COL28A1: variants seen among roughly 807,000 people sequenced by gnomAD.
COL28A1 encodes the protein collagen alpha-1(XXVIII) chain.
Under a neutral mutation model 150.2 loss-of-function variants are expected in COL28A1, and 161 were observed. That is an observed-to-expected ratio of 1.07 (90% confidence interval 0.94 to 1.22). The LOEUF (loss-of-function observed/expected upper bound fraction) is 1.22, where lower values mean the gene tolerates loss of function less well. Ranked by LOEUF, COL28A1 falls within the 50% of genes most tolerant of loss-of-function variation. The probability of loss-of-function intolerance (pLI) is 0.00; values close to 1 mark genes in which losing one functional copy is unlikely to be tolerated. For synonymous variants in COL28A1, 552 were observed against 469.7 expected, an observed-to-expected ratio of 1.18 and a Z score of -2.26; for missense variants, 1,617 against 1,388.3, an observed-to-expected ratio of 1.16 and a Z score of -2.62.
intron 27 of COL28A1, among the ~76,000 whole-genome samples, chr7:7,388,515 A>T (rs138167078): frequency 0.04 from 6,113 of 152,240 alleles, 406 homozygotes; most frequent in African/African-American, 0.14. Context: ...TCCCTTGGGT[A>T]TATACCCAGT....
intron 27 of COL28A1, among the ~76,000 whole-genome samples, chr7:7,416,345 AG>A (rs1784075662): frequency 6.6e-6 from 1 of 152,222 alleles, no homozygotes; most frequent in East Asian, 1.9e-4. Flanking sequence ...ATAGTCGGTA[AG>A]GATTAATTAA....
chr7:7,417,515 G>A (rs1460900666), intron 27 of COL28A1: 29 of 192,978 alleles, frequency 1.5e-4, no homozygotes, highest in African/African-American at 1.3e-3. Context: ...GGGAGGGAAG[G>A]AGGGAGGGGG....
At chr7:7,399,611 A>G (rs762512713) in intron 27 of COL28A1, among the ~76,000 whole-genome samples, 62 of 152,018 alleles carry the variant, frequency 4.1e-4, no homozygotes, top group Admixed American at 2.4e-3. Context: ...AGCAAATTTC[A>G]TGACAAATTT....
At chr7:7,478,725 G>A (rs568062513) in intron 13 of COL28A1, among the ~76,000 whole-genome samples, 9 of 152,382 alleles carry the variant, frequency 5.9e-5, no homozygotes, top group South Asian at 4.1e-4. Flanking sequence ...GAAATCGAGC[G>A]CACTGCCGGT....
chr7:7,438,725 T>C (rs1019601078), intron 21 of COL28A1, among the ~76,000 whole-genome samples: 2 of 152,172 alleles, frequency 1.3e-5, no homozygotes, highest in African/African-American at 2.4e-5. Context: ...AATTAAAAAA[T>C]TAAAAATCTG....
At chr7:7,438,093 A>G (rs1785477697) in intron 21 of COL28A1, among the ~76,000 whole-genome samples, 1 of 151,964 alleles carries the variant, frequency 6.6e-6, no homozygotes, top group Non-Finnish European at 1.5e-5. Flanking sequence ...AAAAAAAAAA[A>G]TAGCCAAAAT....
At chr7:7,412,063 C>T (rs769962408) in intron 27 of COL28A1, among the ~76,000 whole-genome samples, 20 of 152,062 alleles carry the variant, frequency 1.3e-4, no homozygotes, top group Middle Eastern at 3.2e-3. Context: ...GTTCCTTTTC[C>T]TCCTGGGCAC....
intron 8 of COL28A1, 149 bp from the exon 9 acceptor site, chr7:7,511,284 G>GA: frequency 1.7e-6 from 1 of 589,920 alleles, no homozygotes; most frequent in Non-Finnish European, 2.9e-6. Flanking sequence ...TCAATACTGT[G>GA]GGTTTTATGG....
intron 32 of COL28A1, among the ~76,000 whole-genome samples, chr7:7,372,783 CATTT>C (rs1187620425): frequency 1.3e-5 from 2 of 152,194 alleles, no homozygotes; most frequent in Non-Finnish European, 2.9e-5. Context: ...GCCAACTCAG[CATTT>C]ATTAACCCTT....
downstream of COL28A1, among the ~76,000 whole-genome samples, chr7:7,354,996 A>T (rs1438236020): frequency 6.6e-6 from 1 of 152,178 alleles, no homozygotes; most frequent in East Asian, 1.9e-4. Flanking sequence ...CCCAAGAAAG[A>T]TGACTGAGAT....
the COL28A1 span, among the ~76,000 whole-genome samples, chr7:7,346,630 C>T: frequency 4.6e-5 from 7 of 151,978 alleles, no homozygotes; most frequent in African/African-American, 1.7e-4. Flanking sequence ...TTCAGGAAAT[C>T]AAATGATACC....
At chr7:7,517,373 G>A (rs1189913317) in intron 7 of COL28A1, among the ~76,000 whole-genome samples, 2 of 152,116 alleles carry the variant, frequency 1.3e-5, no homozygotes, top group South Asian at 2.1e-4. Context: ...CTAATTTGGG[G>A]TATAAGAAAT....
At chr7:7,348,635 A>T in the COL28A1 span, among the ~76,000 whole-genome samples, 5 of 108,706 alleles carry the variant, frequency 4.6e-5, no homozygotes, top group East Asian at 1.9e-3. Flanking sequence ...CTATTTCATT[A>T]GTTTCTGCTC....
chr7:7,436,945 A>G (rs60815257), intron 22 of COL28A1, among the ~76,000 whole-genome samples: 83,386 of 152,048 alleles, frequency 0.55, 25,209 homozygotes, highest in African/African-American at 0.82. Flanking sequence ...GGCTGAGGCA[A>G]GAGAATCACT....
chr7:7,389,114 T>G (rs1211372216), intron 27 of COL28A1, among the ~76,000 whole-genome samples: 3 of 151,252 alleles, frequency 2.0e-5, no homozygotes, highest in Admixed American at 6.6e-5. Flanking sequence ...TCTTCTAGGG[T>G]TTTTTTTTAA....
intron 27 of COL28A1, among the ~76,000 whole-genome samples, chr7:7,394,435 T>C (rs1453697288): frequency 6.6e-6 from 1 of 152,252 alleles, no homozygotes; most frequent in Non-Finnish European, 1.5e-5. Flanking sequence ...GATTTTATAG[T>C]ATGGGAAACT....
intron 27 of COL28A1, among the ~76,000 whole-genome samples, chr7:7,385,202 G>T (rs920047492): frequency 1.3e-5 from 2 of 152,186 alleles, no homozygotes; most frequent in Non-Finnish European, 2.9e-5. Context: ...GTATAAATTT[G>T]TTTTCTCAGA....
At chr7:7,383,572 C>G (rs1435245287) in intron 27 of COL28A1, among the ~76,000 whole-genome samples, 2 of 151,258 alleles carry the variant, frequency 1.3e-5, no homozygotes, top group Admixed American at 1.3e-4. Context: ...AGCCACCACA[C>G]CTGGCTGATA....
At chr7:7,386,474 C>T (rs1266495799) in intron 27 of COL28A1, among the ~76,000 whole-genome samples, 1 of 152,190 alleles carries the variant, frequency 6.6e-6, no homozygotes, top group Admixed American at 6.5e-5. Flanking sequence ...CAGGGCATCC[C>T]GCCAATTCAG....
Sources: gnomAD v4.1 joint callset for allele counts (sites outside exome capture counted in the v4.1 genomes callset) on GRCh38, gnomAD v4.1.1 for gene constraint, MANE v1.5 for transcripts, NCBI Gene and HGNC (gene_info 2026-07-23, HGNC 2026-07-21) for gene names.